ULK4: variants seen among roughly 807,000 people sequenced by gnomAD.
ULK4 encodes the protein unc-51 like kinase 4, also known as inactive serine/threonine-protein kinase ULK4.
ULK4 carries 133 observed loss-of-function variants against 160.6 expected under a neutral mutation model. The observed-to-expected ratio is 0.83, with a 90% confidence interval of 0.72 to 0.96. The LOEUF is 0.96. Ranked by LOEUF, ULK4 falls within the 40% of genes least tolerant of loss-of-function variation. ULK4 has a pLI of 0.00. For synonymous variants in ULK4, 534 were observed against 539.8 expected, an observed-to-expected ratio of 0.99 and a Z score of 0.15; for missense variants, 1,580 against 1,499.5, an observed-to-expected ratio of 1.05 and a Z score of -0.89.
chr3:41,479,901 T>C (rs2084261059), intron 32 of ULK4, among the ~76,000 whole-genome samples: 1 of 152,194 alleles, frequency 6.6e-6, no homozygotes, highest in Non-Finnish European at 1.5e-5. Flanking sequence ...CCAATGTGTA[T>C]ATTTGTATAT....
At chr3:41,559,936 C>G (rs972459122) in intron 32 of ULK4, among the ~76,000 whole-genome samples, 5 of 152,124 alleles carry the variant, frequency 3.3e-5, no homozygotes, top group African/African-American at 1.2e-4. Context: ...TCATGAAGCC[C>G]TTGCCCATGC....
rs138515938 is a variant in ULK4, at chr3:41,487,547, T to G, written c.3227-24294A>C. 4.6e-3 allele frequency among the ~76,000 whole-genome samples: 704 copies of G among 152,264 alleles called. 4 individuals are homozygous for G. Among genetic ancestry groups the G allele is most frequent in the African/African-American group, 0.016 (680 of 41,576 alleles). On this transcript the variant is annotated intron_variant, in intron 32 of 36. Coordinates refer to ENST00000301831, the MANE Select transcript of ULK4 (RefSeq NM_017886.4). ...AGAGTCTAGACGTAGATAATAGGAA[T>G]GTGGTATATGGATATATGAATTCTT...
chr3:41,733,717 A>AT (rs2037914967), intron 22 of ULK4, among the ~76,000 whole-genome samples: 1 of 149,238 alleles, frequency 6.7e-6, no homozygotes, highest in Non-Finnish European at 1.5e-5. Flanking sequence ...AATTCAACTA[A>AT]ACACATGATT....
At position 41,757,468 on chromosome 3, in the gene ULK4, T is replaced by C. The variant is rs531034911; in HGVS notation, c.2194-2980A>G. On this transcript the variant is annotated intron_variant, in intron 21 of 36. Transcript: ENST00000301831. ...TAACACAGTGAAACCCCGTCTCTAC[T>C]AAAAATACAAAAAATTAGCCAGGTG... Among the ~76,000 whole-genome samples the C allele has an allele frequency of 2.6e-5, 4 of 151,484 alleles. No individual in the cohort carries two copies. The East Asian group carries it at 8.0e-4, about 30-fold the overall frequency.
At chr3:41,533,736 A>G (rs1012693777) in intron 32 of ULK4, among the ~76,000 whole-genome samples, 1 of 152,364 alleles carries the variant, frequency 6.6e-6, no homozygotes, top group Non-Finnish European at 1.5e-5. Context: ...AAAGTTCGTC[A>G]GCCCCTGCTG....
intron 35 of ULK4, among the ~76,000 whole-genome samples, chr3:41,259,322 C>T (rs910714621): frequency 6.6e-6 from 1 of 152,140 alleles, no homozygotes; most frequent in African/African-American, 2.4e-5. Flanking sequence ...ACACAACACC[C>T]TGCAGTACAC....
chr3:41,614,895 G>A (rs1395116006), intron 31 of ULK4, among the ~76,000 whole-genome samples: 1 of 152,138 alleles, frequency 6.6e-6, no homozygotes, highest in African/African-American at 2.4e-5. Context: ...TGATCTGGCT[G>A]GGGAAGTGCC....
chr3:41,865,271 T>TAAAA lies in ULK4; in HGVS notation c.1656+18599_1656+18602dup, dbSNP rs55741060. On this transcript the variant is annotated intron_variant, in intron 17 of 36. Coordinates refer to ENST00000301831, the MANE Select transcript of ULK4 (RefSeq NM_017886.4). ...GGGCAACAGAGCAAGACTCTGTCTT[T>TAAAA]AAAAAAAAAAAAAAAAAAAAAAAAA... is the stretch of plus-strand genomic sequence containing the variant. Among the ~76,000 whole-genome samples the TAAAA allele has an allele frequency of 9.7e-4, 29 of 29,892 alleles. 1 individual carries two copies. The highest frequency in any genetic ancestry group is 1.4e-3 in the Non-Finnish European group (24 of 16,726). The allele number at this position is 29,892 out of a possible 152,430, so 19.6% of individuals were successfully genotyped here.
intron 1 of ULK4, among the ~76,000 whole-genome samples, chr3:41,961,424 G>A (rs528124375): frequency 2.6e-5 from 4 of 152,156 alleles, no homozygotes; most frequent in East Asian, 1.9e-4. Context: ...TCTGCGAAAT[G>A]CCAGCCAAAT....
chr3:41,318,467 T>TAA (rs1342226753), intron 35 of ULK4, among the ~76,000 whole-genome samples: 53 of 152,336 alleles, frequency 3.5e-4, no homozygotes, highest in African/African-American at 1.3e-3. Flanking sequence ...TCAGTTTTCT[T>TAA]AAGTATACTT....
Position 41,405,397 on chromosome 3 carries a change from CT to C in ULK4, c.3493-7134del, listed in dbSNP as rs1357268995. 2.6e-5 allele frequency among the ~76,000 whole-genome samples: 4 copies of C among 152,282 alleles called. No individual in the cohort carries two copies. The East Asian group carries it at 7.7e-4, about 29-fold the overall frequency. On this transcript the variant is annotated intron_variant, in intron 34 of 36. Transcript: ENST00000301831. ...CACTGTTGATGGGCACCTAGGTTGA[CT>C]CCATGTCTCTGCTATTGTGAATAGT...
chr3:41,912,016 A>AT (rs979426602), intron 9 of ULK4, among the ~76,000 whole-genome samples: 1 of 151,376 alleles, frequency 6.6e-6, no homozygotes, highest in African/African-American at 2.4e-5. Flanking sequence ...ATTTTTTTTA[A>AT]TTTAAAAAAA....
intron 12 of ULK4, among the ~76,000 whole-genome samples, chr3:41,903,510 G>A (rs1429291962): frequency 2.0e-5 from 3 of 151,768 alleles, no homozygotes; most frequent in African/African-American, 4.8e-5. Context: ...ACTTGAACCC[G>A]GGAGGCAGAG....
intron 5 of ULK4, among the ~76,000 whole-genome samples, chr3:41,925,135 C>G: frequency 6.6e-6 from 1 of 152,142 alleles, no homozygotes; most frequent in East Asian, 1.9e-4. Flanking sequence ...AGGAACAGCT[C>G]CAGTCTGCAG....
rs539977879 is a variant in ULK4 at position 41,545,693 on chromosome 3, C to T, written c.3226+20332G>A. ...TTTACCAAATTTGTGAAGATCTTGG[C>T]CATTACTTCTTTAAATTCTTTTTCT... On this transcript the variant is annotated intron_variant, in intron 32 of 36. Transcript: ENST00000301831. 3.3e-5 allele frequency among the ~76,000 whole-genome samples: 5 copies of T among 151,530 alleles called. No homozygotes were observed. In the South Asian group the frequency reaches 8.3e-4, roughly 25 times the overall value.
At chr3:41,732,003 A>C (rs2037843519) in intron 22 of ULK4, among the ~76,000 whole-genome samples, 1 of 152,184 alleles carries the variant, frequency 6.6e-6, no homozygotes, top group African/African-American at 2.4e-5. Flanking sequence ...TGAAGACTTA[A>C]ATTTAAGATC....
chr3:41,508,438 C>T (rs1167386879), intron 32 of ULK4, among the ~76,000 whole-genome samples: 1 of 152,126 alleles, frequency 6.6e-6, no homozygotes, highest in Non-Finnish European at 1.5e-5. Context: ...CTTAACCTGG[C>T]AACCCTAAGG....
chr3:41,905,400 C>A (rs1698517053), intron 12 of ULK4, among the ~76,000 whole-genome samples: 1 of 152,024 alleles, frequency 6.6e-6, no homozygotes, highest in East Asian at 1.9e-4. Flanking sequence ...AAAACATAGG[C>A]AGAAACTTTT....
At chr3:41,297,074 G>A (rs1006039126) in intron 35 of ULK4, among the ~76,000 whole-genome samples, 3 of 152,152 alleles carry the variant, frequency 2.0e-5, no homozygotes, top group Admixed American at 6.5e-5. Context: ...GCTATGTTCT[G>A]CTGCTATGGT....
Sources: gnomAD v4.1 joint callset for allele counts (sites outside exome capture counted in the v4.1 genomes callset) on GRCh38, gnomAD v4.1.1 for gene constraint, MANE v1.5 for transcripts, NCBI Gene and HGNC (gene_info 2026-07-23, HGNC 2026-07-21) for gene names.